Variants in DAG1 observed in about 807,000 individuals in gnomAD.
The protein encoded by DAG1 is dystroglycan 1, also known as dystroglycan 1 (dystrophin-associated glycoprotein 1).
In DAG1, 8 loss-of-function variants were observed where a neutral mutation model predicts 46.1. The ratio of observed to expected loss-of-function variants is 0.17; its 90% CI spans 0.10 to 0.31. The LOEUF is 0.31. Among genes scored for constraint, DAG1 ranks in the 10% least tolerant of loss-of-function variants. The pLI is 1.00. For missense variants in DAG1, 1,003 were observed against 1,189.9 expected (o/e 0.84, Z 2.31); for synonymous variants, 495 against 481.8 (o/e 1.03, Z -0.36).
At chr3:49,510,252 G>C (rs1176766749) in intron 1 of DAG1, 167 bp from the exon 2 acceptor site, 3 of 560,648 alleles carry the variant, frequency 5.4e-6, no homozygotes, top group Non-Finnish European at 9.5e-6. Flanking sequence ...TACATTTCCA[G>C]TGCTAAGGAG....
chr3:49,514,733 G>A (rs1055912559), intron 2 of DAG1, among the ~76,000 whole-genome samples: 1 of 151,916 alleles, frequency 6.6e-6, no homozygotes, highest in African/African-American at 2.4e-5. Context: ...CCGCCTCCCG[G>A]GTTCAAGCGA....
chr3:49,472,197 G>A (rs1271873585), intron 1 of DAG1, among the ~76,000 whole-genome samples: 1 of 152,092 alleles, frequency 6.6e-6, no homozygotes, highest in Non-Finnish European at 1.5e-5. Flanking sequence ...GAGGGAGGGG[G>A]TCAGGACCTC....
intron 2 of DAG1, among the ~76,000 whole-genome samples, chr3:49,525,243 A>C (rs1237793039): frequency 6.6e-6 from 1 of 152,210 alleles, no homozygotes; most frequent in Non-Finnish European, 1.5e-5. Context: ...CCTGTCCTGC[A>C]GCCAGGTAGT....
At chr3:49,503,324 G>A (rs1238971078) in intron 1 of DAG1, among the ~76,000 whole-genome samples, 1 of 152,152 alleles carries the variant, frequency 6.6e-6, no homozygotes. Flanking sequence ...TATTGGTAAG[G>A]TTGAGCATCC....
intron 2 of DAG1, among the ~76,000 whole-genome samples, chr3:49,513,723 G>T (rs910137090): frequency 2.6e-5 from 4 of 152,192 alleles, no homozygotes. Context: ...ACATGTAGCA[G>T]TTCACAGAGC....
intron 1 of DAG1, among the ~76,000 whole-genome samples, chr3:49,485,779 G>T (rs1266246500): frequency 6.7e-6 from 1 of 149,182 alleles, no homozygotes; most frequent in Admixed American, 6.8e-5. Flanking sequence ...TCCTGCCTCA[G>T]CCTTCTGCAA....
intron 1 of DAG1, among the ~76,000 whole-genome samples, chr3:49,471,537 G>A (rs1234768070): frequency 6.6e-6 from 1 of 151,038 alleles, no homozygotes; most frequent in Non-Finnish European, 1.5e-5. Context: ...AACTTTTGTG[G>A]GTTTTTTTTG....
intron 1 of DAG1, among the ~76,000 whole-genome samples, chr3:49,475,603 T>C (rs1217295314): frequency 3.3e-5 from 5 of 151,782 alleles, no homozygotes; most frequent in Non-Finnish European, 5.9e-5. Flanking sequence ...TAGAGTAGCT[T>C]ACAAAATTAC....
intron 2 of DAG1, among the ~76,000 whole-genome samples, chr3:49,529,130 G>A (rs899053174): frequency 2.6e-5 from 4 of 151,526 alleles, no homozygotes; most frequent in African/African-American, 9.7e-5. Context: ...GGATTACAGG[G>A]GTGAGCCACC....
intron 2 of DAG1, among the ~76,000 whole-genome samples, chr3:49,516,044 C>G (rs1051898593): frequency 3.3e-5 from 5 of 152,140 alleles, no homozygotes; most frequent in Non-Finnish European, 1.5e-5. Context: ...ACACACCTAG[C>G]TTAGGGTCCA....
chr3:49,493,714 G>A (rs2107384486), intron 1 of DAG1, among the ~76,000 whole-genome samples: 1 of 152,318 alleles, frequency 6.6e-6, no homozygotes, highest in South Asian at 2.1e-4. Flanking sequence ...GGGAAGGCCA[G>A]CAATGTGGGA....
At chr3:49,471,313 G>A (rs1404580894) in intron 1 of DAG1, among the ~76,000 whole-genome samples, 1 of 152,162 alleles carries the variant, frequency 6.6e-6, no homozygotes, top group Non-Finnish European at 1.5e-5. Flanking sequence ...GGAAGGTGGT[G>A]TTTATAGGAC....
At chr3:49,490,365 G>GT (rs367871714) in intron 1 of DAG1, among the ~76,000 whole-genome samples, 27,136 of 142,346 alleles carry the variant, frequency 0.19, 2,965 homozygotes, top group Middle Eastern at 0.28. Context: ...AAAAAAAAAA[G>GT]TTTTTTTTTT....
chr3:49,508,850 C>T (rs1029926935), intron 1 of DAG1, among the ~76,000 whole-genome samples: 1 of 152,202 alleles, frequency 6.6e-6, no homozygotes. Context: ...AAGCATTTTT[C>T]TAAGCCTCAT....
At chr3:49,514,118 T>C (rs1272474211) in intron 2 of DAG1, among the ~76,000 whole-genome samples, 2 of 152,190 alleles carry the variant, frequency 1.3e-5, no homozygotes, top group Non-Finnish European at 2.9e-5. Context: ...GATGAGCTTG[T>C]AGAAAAACAG....
intron 1 of DAG1, among the ~76,000 whole-genome samples, chr3:49,495,961 A>C (rs1022504860): frequency 2.8e-4 from 42 of 151,464 alleles, no homozygotes; most frequent in Non-Finnish European, 4.4e-4. Flanking sequence ...AAAAAAAAAA[A>C]CCCCAAATGG....
At chr3:49,476,361 G>C (rs1275149762) in intron 1 of DAG1, among the ~76,000 whole-genome samples, 1 of 152,058 alleles carries the variant, frequency 6.6e-6, no homozygotes, top group Non-Finnish European at 1.5e-5. Flanking sequence ...AGGCCGAGCC[G>C]TGTGGATCAC....
chr3:49,473,819 G>C (rs1045260369), intron 1 of DAG1, among the ~76,000 whole-genome samples: 1 of 151,540 alleles, frequency 6.6e-6, no homozygotes, highest in Non-Finnish European at 1.5e-5. Flanking sequence ...CTTGATCTCA[G>C]GTGATCCGCC....
chr3:49,520,876 G>C (rs1196443815), intron 2 of DAG1, among the ~76,000 whole-genome samples: 1 of 152,142 alleles, frequency 6.6e-6, no homozygotes, highest in East Asian at 1.9e-4. Flanking sequence ...CTCCTGCATG[G>C]ATAAGACATC....
Sources: gnomAD v4.1 joint callset for allele counts (sites outside exome capture counted in the v4.1 genomes callset) on GRCh38, gnomAD v4.1.1 for gene constraint, MANE v1.5 for transcripts, NCBI Gene and HGNC (gene_info 2026-07-23, HGNC 2026-07-21) for gene names.